CD247: variants seen among roughly 807,000 people sequenced by gnomAD.
CD247 encodes CD247 molecule.
Under a neutral mutation model 30.0 loss-of-function variants are expected in CD247, and 13 were observed. The ratio of observed to expected loss-of-function variants is 0.43; its 90% CI spans 0.28 to 0.69. The LOEUF (loss-of-function observed/expected upper bound fraction) is 0.69. Ranked by LOEUF, CD247 falls within the 30% of genes least tolerant of loss-of-function variation. The pLI, the probability that CD247 is intolerant of heterozygous loss-of-function variation, is 0.16. For synonymous variants in CD247, 72 were observed against 80.0 expected, an observed-to-expected ratio of 0.90 and a Z score of 0.53; for missense variants, 193 against 212.6, an observed-to-expected ratio of 0.91 and a Z score of 0.57.
Position 167,494,494 on chromosome 1 carries a change from G to T in CD247, c.58+23914C>A, listed in dbSNP as rs1272080563. Among the ~76,000 whole-genome samples the T allele has an allele frequency of 6.6e-6, 1 of 152,132 alleles. No individual in the cohort carries two copies. On this transcript the variant is annotated intron_variant, in intron 1 of 7. Coordinates refer to ENST00000362089, the MANE Select transcript of CD247 (RefSeq NM_198053.3). The surrounding 1 kb of genome is among the most constrained non-coding windows in gnomAD (Gnocchi z 7.3). ...GCTGCAGTTTTCCCATCTGTGATAT[G>T]GGGATAATGTCCTCACCCTGTCGAC...
At chr1:167,442,025 C>T (rs555310922) in intron 1 of CD247, among the ~76,000 whole-genome samples, 4 of 152,240 alleles carry the variant, frequency 2.6e-5, no homozygotes, top group South Asian at 2.1e-4. Flanking sequence ...GCAGGAGAAT[C>T]GCTGGAACCT....
rs1256677154 is a variant in CD247, at chr1:167,494,819, C to T, written c.58+23589G>A. The stretch of plus-strand genomic sequence containing the variant: ...AGGCAAGACAATTATTACCTCAGAT[C>T]ACATACGCCTTGGATTTCAGAGCTG... On this transcript the variant is annotated intron_variant, in intron 1 of 7. Transcript: ENST00000362089. The surrounding 1 kb of genome is among the most constrained non-coding windows in gnomAD (Gnocchi z 7.3). Among the ~76,000 whole-genome samples the T allele has an allele frequency of 6.6e-6, 1 of 152,188 alleles. No homozygotes were observed. Among genetic ancestry groups the T allele is most frequent in the African/African-American group, 2.4e-5 (1 of 41,458 alleles).
chr1:167,506,892 A>ATTTTTTTTT (rs10587631), intron 1 of CD247, among the ~76,000 whole-genome samples: 3 of 97,986 alleles, frequency 3.1e-5, no homozygotes, highest in Non-Finnish European at 3.8e-5. Flanking sequence ...GTTCCCTCTG[A>ATTTTTTTTT]TTTTTTTTTT....
At chr1:167,438,872 C>A (rs1266761508) in intron 3 of CD247, among the ~76,000 whole-genome samples, 1 of 152,126 alleles carries the variant, frequency 6.6e-6, no homozygotes, top group Non-Finnish European at 1.5e-5. Flanking sequence ...CAAAGGTCAC[C>A]AAGTACTATA....
chr1:167,438,202 G>T (rs796572435), intron 4 of CD247, among the ~76,000 whole-genome samples: 3 of 152,296 alleles, frequency 2.0e-5, no homozygotes, highest in African/African-American at 4.8e-5. Context: ...CCATATGTGG[G>T]TTATCCAGGG....
intron 1 of CD247, among the ~76,000 whole-genome samples, chr1:167,447,232 T>C (rs1292936453): frequency 6.6e-6 from 1 of 152,206 alleles, no homozygotes; most frequent in East Asian, 1.9e-4. Flanking sequence ...ATAATGACGT[T>C]GCAGCTCCAA....
chr1:167,508,413 T>C (rs1655240481), intron 1 of CD247, among the ~76,000 whole-genome samples: 1 of 152,206 alleles, frequency 6.6e-6, no homozygotes, highest in Non-Finnish European at 1.5e-5. Flanking sequence ...GGGAGATGGA[T>C]GGGTGAGCGA....
rs16859030 is a variant in CD247 at position 167,432,017 on chromosome 1, C to T, written c.430-271G>A. On this transcript the variant is annotated intron_variant, in intron 7 of 7. Transcript: ENST00000362089. ...ACCCCTCTTCTCAGCTCCTCAAATGCTGTGCCTTACAGTGCTTGGGCCCCG... is the reference window on the plus strand; with the variant it reads ...ACCCCTCTTCTCAGCTCCTCAAATGTTGTGCCTTACAGTGCTTGGGCCCCG... Among the ~76,000 whole-genome samples, 16,082 of 152,214 alleles carry T rather than the reference C, an allele frequency of 0.11. 1,231 individuals are homozygous for T. Among genetic ancestry groups the T allele is most frequent in the East Asian group, 0.23 (1,172 of 5,166 alleles).
At chr1:167,510,758 G>C (rs1342348820) in intron 1 of CD247, among the ~76,000 whole-genome samples, 1 of 152,176 alleles carries the variant, frequency 6.6e-6, no homozygotes, top group African/African-American at 2.4e-5. Context: ...CAAAAGAGGG[G>C]GGTAGGGGTT....
intron 1 of CD247, among the ~76,000 whole-genome samples, chr1:167,471,396 C>G (rs2102048558): frequency 6.6e-6 from 1 of 152,288 alleles, no homozygotes; most frequent in African/African-American, 2.4e-5. Context: ...GACTCTAATT[C>G]ATTGTGTTCT....
chr1:167,517,062 C>T (rs1294914511), intron 1 of CD247, among the ~76,000 whole-genome samples: 3 of 152,206 alleles, frequency 2.0e-5, no homozygotes, highest in Non-Finnish European at 4.4e-5. Flanking sequence ...TAAATTCCAG[C>T]GTTCTGGGTC....
At position 167,431,728 on chromosome 1, in the gene CD247, T is replaced by C. The variant is rs1300865638; in HGVS notation, c.448A>G (p.Lys150Glu). The change falls in exon 8 of 8, where the codon AAG becomes GAG. Residue 150 changes from lysine to glutamate, a missense_variant. Coordinates refer to ENST00000362089, the MANE Select transcript of CD247 (RefSeq NM_198053.3). ...GLYQGLSTAT[K>E]DTYDALHMQA... is the part of the protein sequence containing the mutation. ...ATGTGAAGGGCGTCGTAGGTGTCCTTGGTGGCTGTACTGAGACCCTGGCGT... is the reference window on the plus strand; with the variant it reads ...ATGTGAAGGGCGTCGTAGGTGTCCTCGGTGGCTGTACTGAGACCCTGGCGT... The C allele has an allele frequency of 1.9e-6, 3 of 1,613,708 alleles. No individual in the cohort carries two copies. The highest frequency in any genetic ancestry group is 3.3e-5 in the Admixed American group (2 of 59,990).
chr1:167,511,883 G>A (rs1194597738), intron 1 of CD247, among the ~76,000 whole-genome samples: 1 of 152,044 alleles, frequency 6.6e-6, no homozygotes, highest in Admixed American at 6.6e-5. Flanking sequence ...AGATCCTGCT[G>A]CTTTTTCTGC....
intron 1 of CD247, among the ~76,000 whole-genome samples, chr1:167,513,488 AT>A (rs1655480227): frequency 6.6e-6 from 1 of 152,176 alleles, no homozygotes; most frequent in African/African-American, 2.4e-5. Context: ...GAACAGAAAA[AT>A]GTTGGCTACC....
intron 1 of CD247, among the ~76,000 whole-genome samples, chr1:167,482,341 G>T (rs1654007572): frequency 1.3e-5 from 2 of 152,232 alleles, no homozygotes; most frequent in South Asian, 2.1e-4. Flanking sequence ...AAGAAGGCGG[G>T]TCTTCCCTCA....
intron 1 of CD247, among the ~76,000 whole-genome samples, chr1:167,507,581 C>T (rs920043170): frequency 1.3e-5 from 2 of 152,110 alleles, no homozygotes; most frequent in African/African-American, 4.8e-5. Flanking sequence ...TTCCTGTAAT[C>T]CCAGCACTTT....
chr1:167,493,157 C>T lies in CD247; in HGVS notation c.58+25251G>A, dbSNP rs191310374. Among the ~76,000 whole-genome samples the T allele has an allele frequency of 1.1e-4, 17 of 151,146 alleles. No homozygotes were observed. The East Asian group carries it at 2.7e-3, about 24-fold the overall frequency. ...TCCTGGGTTCAAGCTATTCTCCTGCCTCAGCCTCCTGAGTAGTTGGGATTA... is the reference window on the plus strand; with the variant it reads ...TCCTGGGTTCAAGCTATTCTCCTGCTTCAGCCTCCTGAGTAGTTGGGATTA... On this transcript the variant is annotated intron_variant, in intron 1 of 7. Transcript: ENST00000362089.
At chr1:167,481,517 G>A (rs531292552) in intron 1 of CD247, among the ~76,000 whole-genome samples, 29 of 152,292 alleles carry the variant, frequency 1.9e-4, no homozygotes, top group African/African-American at 6.5e-4. Flanking sequence ...ATACATTTTG[G>A]TGCCGTCTAT....
Position 167,431,602 on chromosome 1 carries a change from G to T in CD247, c.*79C>A. The T allele has an allele frequency of 1.7e-6, 2 of 1,158,314 alleles. No homozygotes were observed. Among genetic ancestry groups the T allele is most frequent in the Middle Eastern group, 1.9e-4 (1 of 5,214 alleles). The allele number at this position is 1,158,314 out of a possible 1,614,324, so 71.8% of individuals were successfully genotyped here. ...TTCAGTGGCTGAGAAGAGTGAACCG[G>T]GTTGTAAATGCTTCATCCTGTGTCT... On this transcript the variant is annotated 3_prime_UTR_variant, in exon 8 of 8. Coordinates refer to ENST00000362089, the MANE Select transcript of CD247 (RefSeq NM_198053.3).
Sources: allele counts gnomAD v4.1 joint callset (sites outside exome capture counted in the v4.1 genomes callset), GRCh38; gene constraint gnomAD v4.1.1; non-coding constraint Gnocchi (gnomAD v3.1); transcripts MANE v1.5; gene names NCBI Gene and HGNC (gene_info 2026-07-23, HGNC 2026-07-21).